The following PALM2AKAP2 variants were observed in gnomAD, a reference collection of about 807,000 sequenced individuals.
PALM2AKAP2 encodes PALM2-AKAP2 fusion protein.
In PALM2AKAP2, 37 loss-of-function variants were observed where a neutral mutation model predicts 71.5. The ratio of observed to expected loss-of-function variants is 0.52; its 90% confidence interval spans 0.40 to 0.68. PALM2AKAP2 has a LOEUF of 0.68. Among genes scored for constraint, PALM2AKAP2 ranks in the 30% least tolerant of loss-of-function variants. The pLI is 0.00. For synonymous variants in PALM2AKAP2, 468 were observed against 478.8 expected, an observed-to-expected ratio of 0.98 and a Z score of 0.29; for missense variants, 1,224 against 1,191.8, an observed-to-expected ratio of 1.03 and a Z score of -0.40.
intron 1 of PALM2AKAP2, among the ~76,000 whole-genome samples, chr9:109,863,553 A>C (rs1829368884): frequency 6.6e-6 from 1 of 152,152 alleles, no homozygotes; most frequent in Non-Finnish European, 1.5e-5. Flanking sequence ...AGAGTGGATG[A>C]GAATGAAGGC....
intron 1 of PALM2AKAP2, among the ~76,000 whole-genome samples, chr9:109,709,983 A>T (rs1054661461): frequency 6.6e-6 from 1 of 152,202 alleles, no homozygotes; most frequent in African/African-American, 2.4e-5. Context: ...TGGGCCCTAA[A>T]TCCAATGACA....
At chr9:110,003,395 G>GAT (rs1436389002) in intron 6 of PALM2AKAP2, among the ~76,000 whole-genome samples, 6 of 151,696 alleles carry the variant, frequency 4.0e-5, no homozygotes, top group Non-Finnish European at 8.8e-5. Context: ...TGGTCTGAGA[G>GAT]AGTTTGTTAT....
intron 1 of PALM2AKAP2, among the ~76,000 whole-genome samples, chr9:110,111,086 C>T (rs1437363743): frequency 3.2e-4 from 27 of 84,180 alleles, no homozygotes; most frequent in East Asian, 8.2e-4. Context: ...TTTCTTTCTT[C>T]TTTTTTTTTT....
At chr9:109,764,591 A>G (rs1345310372) in intron 1 of PALM2AKAP2, among the ~76,000 whole-genome samples, 4 of 152,146 alleles carry the variant, frequency 2.6e-5, no homozygotes, top group African/African-American at 9.7e-5. Context: ...ATCAAACTGT[A>G]TCAACTGATT....
At chr9:110,109,174 G>A (rs181443539) in intron 1 of PALM2AKAP2, among the ~76,000 whole-genome samples, 16 of 151,940 alleles carry the variant, frequency 1.1e-4, no homozygotes, top group Admixed American at 1.0e-3. Flanking sequence ...AAAATTAGCT[G>A]GGCATGGTGG....
At chr9:109,867,824 G>T (rs188915839) in intron 2 of PALM2AKAP2, among the ~76,000 whole-genome samples, 2 of 152,316 alleles carry the variant, frequency 1.3e-5, no homozygotes, top group Admixed American at 6.5e-5. Flanking sequence ...TGCGTGTGAA[G>T]TGTGGTGGCT....
At chr9:109,780,575 G>T in intron 1 of PALM2AKAP2, 42 bp downstream of exon 1, 2 of 1,612,712 alleles carry the variant, frequency 1.2e-6, no homozygotes. Context: ...TATTGTCTGG[G>T]GTGGAAGGGG....
chr9:110,097,583 C>T (rs1834884834), intron 1 of PALM2AKAP2, among the ~76,000 whole-genome samples: 1 of 150,188 alleles, frequency 6.7e-6, no homozygotes, highest in South Asian at 2.1e-4. Context: ...CAGAGACGCT[C>T]CTCACTTCCT....
At chr9:109,683,886 T>C (rs913285931) in intron 1 of PALM2AKAP2, among the ~76,000 whole-genome samples, 1 of 152,076 alleles carries the variant, frequency 6.6e-6, no homozygotes, top group Non-Finnish European at 1.5e-5. Flanking sequence ...TTATATAGTG[T>C]ATATTGGTTA....
At chr9:109,756,383 C>T (rs531551039) in intron 1 of PALM2AKAP2, among the ~76,000 whole-genome samples, 1 of 152,152 alleles carries the variant, frequency 6.6e-6, no homozygotes, top group African/African-American at 2.4e-5. Context: ...CATCTTTTTT[C>T]TTATTGATTC....
At chr9:110,023,771 C>T (rs948177477) in intron 7 of PALM2AKAP2, among the ~76,000 whole-genome samples, 2 of 151,862 alleles carry the variant, frequency 1.3e-5, no homozygotes, top group Non-Finnish European at 2.9e-5. Context: ...GTGGGTGGAT[C>T]GCTTGAGACC....
intron 1 of PALM2AKAP2, among the ~76,000 whole-genome samples, chr9:110,102,663 C>T (rs494267): frequency 0.21 from 31,265 of 151,868 alleles, 4,076 homozygotes; most frequent in East Asian, 0.45. Context: ...AACAGATGCT[C>T]AACTCCTAGA....
chr9:109,943,094 C>T lies in PALM2AKAP2; in HGVS notation c.496+11066C>T, dbSNP rs750346048. 69 of 1,614,012 alleles carry T rather than the reference C, an allele frequency of 4.3e-5. 1 individual carries two copies. Among genetic ancestry groups the T allele is most frequent in the South Asian group, 1.5e-4 (14 of 91,080 alleles). Reference sequence around the variant, plus strand: ...GCCCAAGCCCCCAGCGCTGCAGGGCCGGAGGCAAACTTGGATCAGCCCGTC... The same window carrying T: ...GCCCAAGCCCCCAGCGCTGCAGGGCTGGAGGCAAACTTGGATCAGCCCGTC... On this transcript the variant is annotated intron_variant, in intron 6 of 9. Coordinates refer to the PALM2AKAP2 transcript ENST00000302798.
chr9:109,828,930 C>T lies in PALM2AKAP2; in HGVS notation c.46-38561C>T, dbSNP rs968745839. ...ATCTTGAAAGGGCCTTGCCAAAAGG[C>T]GATGATGTGATGTTGGGGTGTAGAA... On this transcript the variant is annotated intron_variant, in intron 1 of 9. Transcript: ENST00000302798. 9.1e-4 allele frequency among the ~76,000 whole-genome samples: 138 copies of T among 152,196 alleles called. 2 individuals are homozygous for T. Among genetic ancestry groups the T allele is most frequent in the Non-Finnish European group, 2.5e-4 (17 of 68,042 alleles).
intron 7 of PALM2AKAP2, among the ~76,000 whole-genome samples, chr9:110,037,194 A>C (rs367720987): frequency 6.6e-6 from 1 of 151,444 alleles, no homozygotes; most frequent in Non-Finnish European, 1.5e-5. Flanking sequence ...TTTCCAACAA[A>C]TATTTTTTGT....
chr9:110,003,461 A>G (rs372911637), intron 6 of PALM2AKAP2, among the ~76,000 whole-genome samples: 4 of 152,228 alleles, frequency 2.6e-5, no homozygotes, highest in South Asian at 2.1e-4. Context: ...TATGTGGTCA[A>G]TTTTGGAATA....
rs116681432 is a variant in PALM2AKAP2 at position 109,721,898 on chromosome 9, T to C, written c.6-58590T>C. 2.0e-3 allele frequency among the ~76,000 whole-genome samples: 303 copies of C among 152,340 alleles called. 2 individuals carry two copies. The highest frequency in any genetic ancestry group is 7.0e-3 in the African/African-American group (290 of 41,576). On this transcript the variant is annotated intron_variant, in intron 1 of 6. Coordinates refer to the PALM2AKAP2 transcript ENST00000374531. ...CATCTGTCATACCTAAATAATTATA[T>C]ATGAATTAGATTTCTTAAAATGCTA...
At chr9:109,897,450 G>A (rs1469320669) in intron 3 of PALM2AKAP2, among the ~76,000 whole-genome samples, 1 of 151,776 alleles carries the variant, frequency 6.6e-6, no homozygotes, top group African/African-American at 2.4e-5. Flanking sequence ...CATGGTGGCG[G>A]GTGCCTGTAA....
chr9:110,034,008 AG>A (rs1395234654), intron 7 of PALM2AKAP2, among the ~76,000 whole-genome samples: 1 of 152,208 alleles, frequency 6.6e-6, no homozygotes, highest in Non-Finnish European at 1.5e-5. Flanking sequence ...AACCTATGGA[AG>A]GTCCTGCTCA....
Sources: allele counts gnomAD v4.1 joint callset (sites outside exome capture counted in the v4.1 genomes callset), GRCh38; gene constraint gnomAD v4.1.1; transcripts MANE v1.5; gene names NCBI Gene and HGNC (gene_info 2026-07-23, HGNC 2026-07-21).